DCHS2: variants seen among roughly 807,000 people sequenced by gnomAD.
DCHS2 encodes the protein dachsous cadherin-related 2.
In DCHS2, 142 loss-of-function variants were observed where a neutral mutation model predicts 182.4. That is an observed-to-expected ratio of 0.78 (90% confidence interval 0.68 to 0.89). The LOEUF (loss-of-function observed/expected upper bound fraction) is 0.89. Among genes scored for constraint, DCHS2 ranks in the 40% least tolerant of loss-of-function variants. DCHS2 has a pLI of 0.00. For missense variants in DCHS2, 4,319 were observed against 4,198.6 expected, an observed-to-expected ratio of 1.03 and a Z score of -0.79; for synonymous variants, 1,740 against 1,663.3, an observed-to-expected ratio of 1.05 and a Z score of -1.12.
At chr4:154,276,246 T>C (rs767066638) in intron 13 of DCHS2, among the ~76,000 whole-genome samples, 2 of 152,164 alleles carry the variant, frequency 1.3e-5, no homozygotes, top group Non-Finnish European at 2.9e-5. Context: ...TACAGAATAA[T>C]TTACCTTTTA....
At chr4:154,267,958 T>C (rs565435054) in intron 14 of DCHS2, among the ~76,000 whole-genome samples, 1 of 152,344 alleles carries the variant, frequency 6.6e-6, no homozygotes, top group South Asian at 2.1e-4. Flanking sequence ...ATGCTTTCTG[T>C]TGCAACATGT....
intron 1 of DCHS2, among the ~76,000 whole-genome samples, chr4:154,417,202 TGTGAGAGAGAGAGAGA>T (rs1397959966): frequency 6.2e-4 from 26 of 42,014 alleles, no homozygotes; most frequent in Middle Eastern, 0.024. Flanking sequence ...TGTGTGTGTG[TGTGAGAGAGAGAGAGA>T]GAGAGAGAGA....
intron 15 of DCHS2, among the ~76,000 whole-genome samples, chr4:154,258,578 T>C (rs1252734836): frequency 6.6e-6 from 1 of 152,004 alleles, no homozygotes; most frequent in Non-Finnish European, 1.5e-5. Context: ...GGTTTCACCA[T>C]GTTGGTCAGA....
rs1014886566 is a variant in DCHS2 at position 154,265,005 on chromosome 4, A to G, written c.6577+4895T>C. Among the ~76,000 whole-genome samples the G allele has an allele frequency of 1.1e-4, 16 of 152,316 alleles. No homozygotes were observed. The East Asian group carries it at 3.1e-3, about 29-fold the overall frequency. ...GGAAGAGAATATTGATTAATGTTGG[A>G]CTTTATATATGTTAAAGTAACGAGG... is the stretch of plus-strand genomic sequence containing the variant. On this transcript the variant is annotated intron_variant, in intron 14 of 19. Coordinates refer to ENST00000357232, the MANE Select transcript of DCHS2 (RefSeq NM_001358235.2).
rs978072747 is a variant in DCHS2 at position 154,240,974 on chromosome 4, G to A, written c.7073-151C>T. ...TCTCATACAAAGCTCATTATGCACT[G>A]AACAAAAACTCTGAAGAATTTATGA... On this transcript the variant is annotated intron_variant, in intron 17 of 19. Transcript: ENST00000357232. 4.9e-5 allele frequency: 63 copies of A among 1,274,458 alleles called. No individual in the cohort carries two copies. The African/African-American group carries it at 8.7e-4, about 18-fold the overall frequency. The allele number at this position is 1,274,458 out of a possible 1,614,324, so 78.9% of individuals were successfully genotyped here. A position where few individuals can be genotyped will look rare whatever the true frequency, so the allele number is the denominator to read the frequency against.
intron 1 of DCHS2, among the ~76,000 whole-genome samples, chr4:154,434,641 T>C (rs1386267800): frequency 6.6e-6 from 1 of 152,132 alleles, no homozygotes; most frequent in Non-Finnish European, 1.5e-5. Context: ...CCTATATGTA[T>C]TCTGTGTACT....
intron 3 of DCHS2, among the ~76,000 whole-genome samples, chr4:154,341,861 G>T (rs1161836772): frequency 6.6e-6 from 1 of 152,134 alleles, no homozygotes; most frequent in East Asian, 1.9e-4. Context: ...GTCTGAAAGT[G>T]CTGAATCCTT....
intron 13 of DCHS2, among the ~76,000 whole-genome samples, chr4:154,270,767 TAA>T (rs1226062464): frequency 6.6e-6 from 1 of 151,404 alleles, no homozygotes; most frequent in Non-Finnish European, 1.5e-5. Context: ...ATGGACAGAT[TAA>T]AGACATTTGA....
intron 1 of DCHS2, among the ~76,000 whole-genome samples, chr4:154,460,877 G>T (rs915120135): frequency 6.6e-6 from 1 of 152,008 alleles, no homozygotes; most frequent in Non-Finnish European, 1.5e-5. Context: ...AACTAGCAGG[G>T]TAAAATATCT....
chr4:154,402,081 AGT>A (rs1167268192), intron 1 of DCHS2, among the ~76,000 whole-genome samples: 4 of 152,214 alleles, frequency 2.6e-5, no homozygotes, highest in Non-Finnish European at 4.4e-5. Flanking sequence ...TTTCATGTAC[AGT>A]GTGAGATTGT....
intron 1 of DCHS2, among the ~76,000 whole-genome samples, chr4:154,397,211 C>T (rs907208787): frequency 1.3e-5 from 2 of 152,150 alleles, no homozygotes; most frequent in African/African-American, 4.8e-5. Context: ...TAAACAGTAA[C>T]ATGGGCAAGC....
At chr4:154,424,985 T>A (rs1045594105) in intron 1 of DCHS2, among the ~76,000 whole-genome samples, 2 of 152,188 alleles carry the variant, frequency 1.3e-5, no homozygotes, top group African/African-American at 4.8e-5. Flanking sequence ...TTAATTAACA[T>A]CTTTTCCAAG....
rs1035137020 is a variant in DCHS2 at position 154,491,461 on chromosome 4, CTT to C, written c.-108_-107del. On this transcript the variant is annotated 5_prime_UTR_variant, in exon 1 of 20. Transcript: ENST00000357232. Reference sequence around the variant, plus strand: ...AGTGTCTGAGCCAGAGAAGAAAAGACTTTGTTTGGCAAACAAACCGACGGCCC... The same window carrying C: ...AGTGTCTGAGCCAGAGAAGAAAAGACTGTTTGGCAAACAAACCGACGGCCC... The C allele has an allele frequency of 1.2e-5, 17 of 1,411,600 alleles. No homozygotes were observed. Among genetic ancestry groups the C allele is most frequent in the Admixed American group, 6.1e-5 (2 of 33,014 alleles). The allele number at this position is 1,411,600 out of a possible 1,614,324, so 87.4% of individuals were successfully genotyped here.
intron 3 of DCHS2, among the ~76,000 whole-genome samples, chr4:154,361,389 C>A (rs1340424689): frequency 6.6e-6 from 1 of 151,914 alleles, no homozygotes; most frequent in Non-Finnish European, 1.5e-5. Flanking sequence ...AGGACAAACC[C>A]CAAAGCTAAA....
intron 1 of DCHS2, among the ~76,000 whole-genome samples, chr4:154,396,346 G>A (rs766980276): frequency 1.3e-5 from 2 of 152,086 alleles, no homozygotes; most frequent in African/African-American, 2.4e-5. Flanking sequence ...TCTGCCACAT[G>A]GTACAGGTTC....
At chr4:154,394,573 C>A (rs1181987414) in intron 1 of DCHS2, among the ~76,000 whole-genome samples, 1 of 152,132 alleles carries the variant, frequency 6.6e-6, no homozygotes, top group African/African-American at 2.4e-5. Flanking sequence ...GTGGGGTGGG[C>A]AGTTCCAAGA....
chr4:154,474,168 C>T (rs1221089419), intron 1 of DCHS2, among the ~76,000 whole-genome samples: 1 of 152,204 alleles, frequency 6.6e-6, no homozygotes, highest in Non-Finnish European at 1.5e-5. Context: ...CTCGAACTTC[C>T]CTTTCCCTTG....
intron 13 of DCHS2, among the ~76,000 whole-genome samples, chr4:154,277,959 G>T (rs2404895): frequency 0.98 from 148,426 of 151,512 alleles, 72,772 homozygotes; most frequent in Middle Eastern, 1. Context: ...GAGAATCGCT[G>T]GAACGCAGGA....
chr4:154,320,974 A>T lies in DCHS2; in HGVS notation c.4425T>A (p.Tyr1475Ter). 1 of 1,614,108 alleles carries T rather than the reference A, an allele frequency of 6.2e-7. No homozygotes were observed. Among genetic ancestry groups the T allele is most frequent in the Non-Finnish European group, 8.5e-7 (1 of 1,179,990 alleles). ...KELDYETTSH[Y>*]LFRVITTDHS... is the part of the protein sequence containing the mutation. ...GGTCTGTAGTAATCACTCTGAAAAG[A>T]TAATGAGATGTCGTCTCATAATCAA... The change falls in exon 9 of 20, where the codon TAT (tyrosine) becomes TAA (stop). Residue 1475 changes from tyrosine to a stop codon, truncating the protein, a stop_gained. Coordinates refer to ENST00000357232, the MANE Select transcript of DCHS2 (RefSeq NM_001358235.2). LOFTEE classifies it high-confidence loss of function.
Sources: allele counts gnomAD v4.1 joint callset (sites outside exome capture counted in the v4.1 genomes callset), GRCh38; gene constraint gnomAD v4.1.1; transcripts MANE v1.5; gene names NCBI Gene and HGNC (gene_info 2026-07-23, HGNC 2026-07-21).